Variants in PPP3R1 observed in about 807,000 individuals in gnomAD.
The protein encoded by PPP3R1 is protein phosphatase 3 regulatory subunit B, alpha, also known as calcineurin subunit B type 1.
In PPP3R1, 5 loss-of-function variants were observed where a neutral mutation model predicts 22.6. The observed-to-expected ratio is 0.22, with a 90% CI of 0.12 to 0.46. The LOEUF is 0.46. Ranked by LOEUF, PPP3R1 falls within the 20% of genes least tolerant of loss-of-function variation. The probability of loss-of-function intolerance (pLI) is 0.99; values close to 1 mark genes in which losing one functional copy is unlikely to be tolerated. For missense variants in PPP3R1, 61 were observed against 203.2 expected (o/e 0.30, Z 4.25); for synonymous variants, 56 against 65.2 (o/e 0.86, Z 0.68).
rs1373915876 is a variant in PPP3R1 at position 68,221,274 on chromosome 2, G to T, written c.4-4143C>A. On this transcript the variant is annotated intron_variant, in intron 1 of 5. Coordinates refer to ENST00000234310, the MANE Select transcript of PPP3R1 (RefSeq NM_000945.4). ...TGAACCTGAAGGTGGAGGCTGCAGT[G>T]AGCAGAGATTGCACCACTGCACTCC... is the stretch of plus-strand genomic sequence containing the variant. Among the ~76,000 whole-genome samples, 27 of 152,152 alleles carry T rather than the reference G, an allele frequency of 1.8e-4. 1 individual carries two copies.
Position 68,180,891 on chromosome 2 carries a change from C to G in PPP3R1, c.*72G>C. ...CCATTTAAATACACAGAGAGCATTG[C>G]TGGACGTCTTGAGCAGATCTTCAGA... On this transcript the variant is annotated 3_prime_UTR_variant, in exon 6 of 6. Coordinates refer to ENST00000234310, the MANE Select transcript of PPP3R1 (RefSeq NM_000945.4). 2 of 1,439,180 alleles carry G rather than the reference C, an allele frequency of 1.4e-6. No individual in the cohort carries two copies. The highest frequency in any genetic ancestry group is 1.9e-6 in the Non-Finnish European group (2 of 1,027,654). 89.2% of individuals were successfully genotyped at this position (1,439,180 alleles called of 1,614,324 possible). A position where few individuals can be genotyped will look rare whatever the true frequency, so the allele number is the denominator to read the frequency against.
intron 2 of PPP3R1, among the ~76,000 whole-genome samples, chr2:68,208,366 T>A (rs1669379567): frequency 6.6e-6 from 1 of 152,170 alleles, no homozygotes; most frequent in African/African-American, 2.4e-5. Context: ...AGGTGGTAAA[T>A]ATTTTAGGCT....
chr2:68,198,190 A>G (rs980098268), intron 2 of PPP3R1, among the ~76,000 whole-genome samples: 1 of 138,862 alleles, frequency 7.2e-6, no homozygotes, highest in Non-Finnish European at 1.5e-5. Flanking sequence ...TATATAATAT[A>G]TATTTACATA....
chr2:68,187,413 G>T, intron 3 of PPP3R1, 99 bp from the exon 4 acceptor site: 2 of 1,075,178 alleles, frequency 1.9e-6, no homozygotes, highest in Non-Finnish European at 2.7e-6. Flanking sequence ...TTTCCTTGCT[G>T]CAAAACAGAA....
chr2:68,248,172 GA>G (rs751823354), intron 1 of PPP3R1, among the ~76,000 whole-genome samples: 5 of 152,090 alleles, frequency 3.3e-5, no homozygotes, highest in Non-Finnish European at 7.3e-5. Context: ...ACTTCGAACA[GA>G]AGCTCTCTAT....
intron 2 of PPP3R1, among the ~76,000 whole-genome samples, chr2:68,205,689 G>A (rs1443374564): frequency 6.6e-6 from 1 of 152,140 alleles, no homozygotes; most frequent in African/African-American, 2.4e-5. Flanking sequence ...TCCAGATGTG[G>A]CAATTAGACA....
intron 2 of PPP3R1, among the ~76,000 whole-genome samples, chr2:68,200,537 T>C (rs984552587): frequency 7.2e-5 from 11 of 152,192 alleles, no homozygotes; most frequent in African/African-American, 2.7e-4. Context: ...ACAAGAAACC[T>C]TGAAGATGAC....
At chr2:68,220,005 T>C (rs1297830526) in intron 1 of PPP3R1, among the ~76,000 whole-genome samples, 1 of 151,988 alleles carries the variant, frequency 6.6e-6, no homozygotes, top group Non-Finnish European at 1.5e-5. Flanking sequence ...AAATGCTATA[T>C]GAACCACTTG....
chr2:68,207,379 A>T (rs1329955615), intron 2 of PPP3R1, among the ~76,000 whole-genome samples: 1 of 152,214 alleles, frequency 6.6e-6, no homozygotes, highest in Non-Finnish European at 1.5e-5. Context: ...AGTATTGATT[A>T]AAGTGATAAG....
At chr2:68,232,245 GTGTGTGTGTGTGTGTGTGTGTA>G (rs1558641494) in intron 1 of PPP3R1, among the ~76,000 whole-genome samples, 9 of 69,290 alleles carry the variant, frequency 1.3e-4, no homozygotes, top group African/African-American at 8.5e-4. Flanking sequence ...GTGTGTGTGT[GTGTGTGTGTGTGTGTGTGTGTA>G]TATATATATA....
chr2:68,223,873 A>G (rs1419402173), intron 1 of PPP3R1, among the ~76,000 whole-genome samples: 1 of 152,100 alleles, frequency 6.6e-6, no homozygotes, highest in Admixed American at 6.6e-5. Flanking sequence ...TGCAGATGAC[A>G]TAATTGTGTA....
intron 2 of PPP3R1, among the ~76,000 whole-genome samples, chr2:68,189,190 T>G (rs1342944126): frequency 6.6e-6 from 1 of 152,214 alleles, no homozygotes; most frequent in Non-Finnish European, 1.5e-5. Context: ...GTATTCAAAA[T>G]TCAAAGTTTC....
At chr2:68,246,836 A>T (rs1469171279) in intron 1 of PPP3R1, among the ~76,000 whole-genome samples, 1 of 152,192 alleles carries the variant, frequency 6.6e-6, no homozygotes, top group Non-Finnish European at 1.5e-5. Flanking sequence ...ACCTAATATA[A>T]ATGCACAGAC....
chr2:68,191,937 CTTAT>C (rs1674676338), intron 2 of PPP3R1, among the ~76,000 whole-genome samples: 2 of 152,094 alleles, frequency 1.3e-5, no homozygotes, highest in Non-Finnish European at 2.9e-5. Context: ...ATGCTTTTCG[CTTAT>C]TTATTTATAT....
rs534354332 is a variant in PPP3R1 at position 68,215,324 on chromosome 2, C to A, written c.43+1768G>T. Among the ~76,000 whole-genome samples, 11 of 151,494 alleles carry A rather than the reference C, an allele frequency of 7.3e-5. No homozygotes were observed. The East Asian group carries it at 2.1e-3, about 29-fold the overall frequency. Reference sequence around the variant, plus strand: ...CATGAGGTACACCTATATTCCAAAACCCCCCCCAAAATTCAAAACCCAAAA... The same window carrying A: ...CATGAGGTACACCTATATTCCAAAAACCCCCCCAAAATTCAAAACCCAAAA... On this transcript the variant is annotated intron_variant, in intron 2 of 5. Coordinates refer to ENST00000234310, the MANE Select transcript of PPP3R1 (RefSeq NM_000945.4).
rs1426038298 is a variant in PPP3R1 at position 68,178,887 on chromosome 2, T to G, written c.*2076A>C. 6.6e-6 allele frequency: 1 copy of G among 150,942 alleles called. No homozygotes were observed. Among genetic ancestry groups the G allele is most frequent in the African/African-American group, 2.4e-5 (1 of 40,950 alleles). 9.4% of individuals were successfully genotyped at this position (150,942 alleles called of 1,614,324 possible). A position where few individuals can be genotyped will look rare whatever the true frequency, so the allele number is the denominator to read the frequency against. ...TTCAAATATTTTATTTTCTTATTCATACAGTATGAAGTTTTCTAAAGATCC... is the reference window on the plus strand; with the variant it reads ...TTCAAATATTTTATTTTCTTATTCAGACAGTATGAAGTTTTCTAAAGATCC... On this transcript the variant is annotated 3_prime_UTR_variant, in exon 6 of 6. Transcript: ENST00000234310.
chr2:68,252,024 C>A (rs1282856809), intron 1 of PPP3R1, 101 bp downstream of exon 1: 3 of 1,179,282 alleles, frequency 2.5e-6, no homozygotes, highest in East Asian at 8.0e-5. Flanking sequence ...GAATTTTCCA[C>A]GGGGGACAGC....
intron 1 of PPP3R1, among the ~76,000 whole-genome samples, chr2:68,248,428 T>C (rs948332460): frequency 6.6e-6 from 1 of 152,236 alleles, no homozygotes; most frequent in African/African-American, 2.4e-5. Context: ...TAAGTACATA[T>C]AGTTAGTGCT....
intron 2 of PPP3R1, among the ~76,000 whole-genome samples, chr2:68,199,950 T>C (rs1432626547): frequency 6.6e-6 from 1 of 152,198 alleles, no homozygotes; most frequent in Non-Finnish European, 1.5e-5. Flanking sequence ...CTAGCTTCTA[T>C]TTTCTAAGAG....
Sources: gnomAD v4.1 joint callset for allele counts (sites outside exome capture counted in the v4.1 genomes callset) on GRCh38, gnomAD v4.1.1 for gene constraint, MANE v1.5 for transcripts, NCBI Gene and HGNC (gene_info 2026-07-23, HGNC 2026-07-21) for gene names.